The following ARHGAP44 variants were observed in gnomAD, a reference collection of about 807,000 sequenced individuals.
ARHGAP44 encodes the protein rho GTPase-activating protein 44.
ARHGAP44 carries 43 observed loss-of-function variants against 106.8 expected under a neutral mutation model. That is an observed-to-expected ratio of 0.40 (90% confidence interval 0.32 to 0.52). The LOEUF is 0.52. Among genes scored for constraint, ARHGAP44 ranks in the 20% least tolerant of loss-of-function variants. The pLI, the probability that ARHGAP44 is intolerant of heterozygous loss-of-function variation, is 0.48. For missense variants in ARHGAP44, 866 were observed against 1,050.5 expected, an observed-to-expected ratio of 0.82 and a Z score of 2.43; for synonymous variants, 439 against 410.3, an observed-to-expected ratio of 1.07 and a Z score of -0.85.
intron 1 of ARHGAP44, among the ~76,000 whole-genome samples, chr17:12,851,292 A>G (rs1203097506): frequency 1.3e-5 from 2 of 152,164 alleles, no homozygotes; most frequent in Non-Finnish European, 2.9e-5. Flanking sequence ...GAACATCCCA[A>G]ACTGTACAGC....
At chr17:12,902,759 A>G (rs763702284) in intron 3 of ARHGAP44, among the ~76,000 whole-genome samples, 18 of 152,232 alleles carry the variant, frequency 1.2e-4, no homozygotes, top group Non-Finnish European at 2.6e-4. Flanking sequence ...GGGCAAGTTA[A>G]TTACCTCATA....
At chr17:12,822,612 T>C (rs2034803716) in intron 1 of ARHGAP44, among the ~76,000 whole-genome samples, 1 of 152,206 alleles carries the variant, frequency 6.6e-6, no homozygotes. Flanking sequence ...CAAACCAGGA[T>C]AGAATTGTTT....
intron 1 of ARHGAP44, among the ~76,000 whole-genome samples, chr17:12,829,122 A>T (rs1030249803): frequency 6.6e-6 from 1 of 152,158 alleles, no homozygotes; most frequent in African/African-American, 2.4e-5. Context: ...ATTAACTCCT[A>T]TTGAAAGGTA....
At position 12,789,589 on chromosome 17, in the gene ARHGAP44, C is replaced by T. The variant is rs2033664213; in HGVS notation, c.-250C>T. The T allele has an allele frequency of 7.2e-6, 2 of 277,624 alleles. No individual in the cohort carries two copies. Among genetic ancestry groups the T allele is most frequent in the Non-Finnish European group, 1.3e-5 (2 of 149,056 alleles). 17.2% of individuals were successfully genotyped at this position (277,624 alleles called of 1,614,324 possible). ...AGCGGGCCGGTGCCGAGGACGGCCCCAGGCATTGCTCTGCCCCGGGCATTG... is the reference window on the plus strand; with the variant it reads ...AGCGGGCCGGTGCCGAGGACGGCCCTAGGCATTGCTCTGCCCCGGGCATTG... On this transcript the variant is annotated 5_prime_UTR_variant, in exon 1 of 21. Coordinates refer to ENST00000379672, the MANE Select transcript of ARHGAP44 (RefSeq NM_014859.6).
chr17:12,940,316 G>A (rs1181760043), intron 7 of ARHGAP44, among the ~76,000 whole-genome samples: 1 of 152,194 alleles, frequency 6.6e-6, no homozygotes, highest in Non-Finnish European at 1.5e-5. Flanking sequence ...TAATGACAGA[G>A]TCTACATTCT....
intron 3 of ARHGAP44, among the ~76,000 whole-genome samples, chr17:12,898,568 C>T (rs781779106): frequency 3.3e-5 from 5 of 152,210 alleles, no homozygotes; most frequent in Non-Finnish European, 7.3e-5. Context: ...AGCTTTGGGT[C>T]AGCAGCTATG....
chr17:12,866,281 A>T (rs1013726463), intron 1 of ARHGAP44, among the ~76,000 whole-genome samples: 19 of 152,184 alleles, frequency 1.2e-4, no homozygotes, highest in African/African-American at 4.6e-4. Context: ...GAGGTAGCTG[A>T]TCCTCAGAAG....
intron 1 of ARHGAP44, among the ~76,000 whole-genome samples, chr17:12,860,418 T>A (rs2036036160): frequency 1.3e-5 from 2 of 152,214 alleles, no homozygotes; most frequent in South Asian, 4.1e-4. Context: ...TTTTGGCTGT[T>A]CCATTTATTG....
At chr17:12,929,471 T>C (rs1433650840) in intron 7 of ARHGAP44, 1 of 156,450 alleles carries the variant, frequency 6.4e-6, no homozygotes, top group Non-Finnish European at 1.4e-5. Flanking sequence ...TTATCCATCC[T>C]ATGCCTCCTG....
At chr17:12,946,957 C>T (rs894853264) in intron 10 of ARHGAP44, among the ~76,000 whole-genome samples, 7 of 152,132 alleles carry the variant, frequency 4.6e-5, no homozygotes, top group Non-Finnish European at 7.3e-5. Flanking sequence ...CTCAACAGAC[C>T]TCGCTCTGTC....
At chr17:12,914,862 G>A (rs2037858326) in intron 4 of ARHGAP44, among the ~76,000 whole-genome samples, 1 of 151,458 alleles carries the variant, frequency 6.6e-6, no homozygotes, top group South Asian at 2.1e-4. Flanking sequence ...ATCAGGATAT[G>A]CTCAGTATAA....
chr17:12,952,993 C>T (rs1201609437), intron 13 of ARHGAP44, among the ~76,000 whole-genome samples: 13 of 151,986 alleles, frequency 8.6e-5, no homozygotes, highest in South Asian at 2.1e-4. Flanking sequence ...CTCAAAGAAG[C>T]GAACCATTGG....
Position 12,828,585 on chromosome 17 carries a change from A to G in ARHGAP44, c.53+38694A>G, listed in dbSNP as rs181764290. Among the ~76,000 whole-genome samples, 11 of 150,010 alleles carry G rather than the reference A, an allele frequency of 7.3e-5. No homozygotes were observed. In the East Asian group the frequency reaches 2.0e-3, roughly 27 times the overall value. Reference sequence around the variant, plus strand: ...CTTAATTATGATATATTTTAAAAATATAAAGTTGGGTTTGTTTAGCTAATA... The same window carrying G: ...CTTAATTATGATATATTTTAAAAATGTAAAGTTGGGTTTGTTTAGCTAATA... On this transcript the variant is annotated intron_variant, in intron 1 of 20. Transcript: ENST00000379672.
chr17:12,926,175 A>G (rs2038222566), intron 6 of ARHGAP44, among the ~76,000 whole-genome samples: 1 of 151,778 alleles, frequency 6.6e-6, no homozygotes, highest in Non-Finnish European at 1.5e-5. Flanking sequence ...GACTAACCTG[A>G]CCAACATGGC....
intron 3 of ARHGAP44, among the ~76,000 whole-genome samples, chr17:12,898,674 T>C (rs1393116279): frequency 6.6e-6 from 1 of 152,110 alleles, no homozygotes; most frequent in East Asian, 1.9e-4. Context: ...AAGTGGGAGA[T>C]TGATAAGACC....
At chr17:12,866,645 G>A (rs1028738040) in intron 1 of ARHGAP44, among the ~76,000 whole-genome samples, 1 of 152,252 alleles carries the variant, frequency 6.6e-6, no homozygotes, top group Non-Finnish European at 1.5e-5. Context: ...GAGAAACTCA[G>A]TGATGAGTAA....
intron 1 of ARHGAP44, among the ~76,000 whole-genome samples, chr17:12,804,273 C>T (rs536642510): frequency 1.3e-5 from 2 of 152,182 alleles, no homozygotes; most frequent in South Asian, 2.1e-4. Context: ...TTATTTCACA[C>T]GTTTACTATT....
At chr17:12,943,777 A>G (rs2038768237) in intron 9 of ARHGAP44, 108 bp downstream of exon 9, 2 of 1,211,664 alleles carry the variant, frequency 1.7e-6, no homozygotes, top group African/African-American at 1.5e-5. Flanking sequence ...GCCCAACAGC[A>G]TCACCTGTAG....
rs184489101 is a variant in ARHGAP44, at chr17:12,837,606, T to G, written c.53+47715T>G. On this transcript the variant is annotated intron_variant, in intron 1 of 20. Coordinates refer to ENST00000379672, the MANE Select transcript of ARHGAP44 (RefSeq NM_014859.6). The stretch of plus-strand genomic sequence containing the variant: ...ATGGGGAGGGTAACTGCATGTTGTT[T>G]TTTTTTTTTTAAATCAGGCCACTAA... 2.4e-3 allele frequency among the ~76,000 whole-genome samples: 358 copies of G among 151,568 alleles called. 2 individuals are homozygous for G. The highest frequency in any genetic ancestry group is 4.4e-3 in the Non-Finnish European group (296 of 67,812).
Sources: allele counts gnomAD v4.1 joint callset (sites outside exome capture counted in the v4.1 genomes callset), GRCh38; gene constraint gnomAD v4.1.1; transcripts MANE v1.5; gene names NCBI Gene and HGNC (gene_info 2026-07-23, HGNC 2026-07-21).